PTPRD: variants seen among roughly 807,000 people sequenced by gnomAD.
PTPRD encodes receptor-type tyrosine-protein phosphatase delta.
In PTPRD, 34 loss-of-function variants were observed where a neutral mutation model predicts 214.5. The observed-to-expected ratio is 0.16, with a 90% CI of 0.12 to 0.21. The LOEUF (loss-of-function observed/expected upper bound fraction) is 0.21, where lower values mean the gene tolerates loss of function less well. PTPRD is among the 10% of genes least tolerant of loss of function. The pLI, the probability that PTPRD is intolerant of heterozygous loss-of-function variation, is 1.00. For missense variants in PTPRD, 2,545 were observed against 2,398.7 expected (o/e 1.06, Z -1.27); for synonymous variants, 1,128 against 845.7 (o/e 1.33, Z -5.79).
chr9:9,570,879 A>C (rs936847643), intron 8 of PTPRD, among the ~76,000 whole-genome samples: 2 of 151,524 alleles, frequency 1.3e-5, no homozygotes, highest in Non-Finnish European at 3.0e-5. Flanking sequence ...TTCCATCTTT[A>C]GTTTCAAGGA....
chr9:9,841,186 A>T (rs1290696316), intron 5 of PTPRD, among the ~76,000 whole-genome samples: 2 of 152,192 alleles, frequency 1.3e-5, no homozygotes, highest in African/African-American at 4.8e-5. Flanking sequence ...TCGGAATCAT[A>T]CTGGGGGATA....
At chr9:9,762,161 T>A (rs1415717427) in intron 6 of PTPRD, among the ~76,000 whole-genome samples, 2 of 152,178 alleles carry the variant, frequency 1.3e-5, no homozygotes. Context: ...CTGTTGAAAC[T>A]GTGGCAGTAG....
At chr9:9,112,542 T>C (rs1018665657) in intron 10 of PTPRD, among the ~76,000 whole-genome samples, 1 of 152,128 alleles carries the variant, frequency 6.6e-6, no homozygotes, top group Non-Finnish European at 1.5e-5. Context: ...TGAAGGAGAT[T>C]AGGACTATTT....
intron 7 of PTPRD, among the ~76,000 whole-genome samples, chr9:9,730,881 G>A (rs2098177932): frequency 6.6e-6 from 1 of 152,090 alleles, no homozygotes. Flanking sequence ...GACAAACGGT[G>A]AAAGCTTGAA....
intron 10 of PTPRD, among the ~76,000 whole-genome samples, chr9:9,094,119 G>C (rs898166750): frequency 1.3e-5 from 2 of 152,108 alleles, no homozygotes; most frequent in East Asian, 1.9e-4. Flanking sequence ...AAGTGGAAAT[G>C]GTCACCTGAA....
At chr9:9,544,704 T>G (rs1420381731) in intron 8 of PTPRD, among the ~76,000 whole-genome samples, 1 of 151,738 alleles carries the variant, frequency 6.6e-6, no homozygotes, top group African/African-American at 2.4e-5. Flanking sequence ...AAAATTTTCC[T>G]TGGATCATAA....
chr9:10,271,302 G>A (rs1340555304), intron 3 of PTPRD, among the ~76,000 whole-genome samples: 1 of 151,648 alleles, frequency 6.6e-6, no homozygotes, highest in Admixed American at 6.6e-5. Context: ...TGCATTTTTA[G>A]GTGTTACAAA....
rs1885998 is a variant in PTPRD at position 10,314,873 on chromosome 9, C to G, written c.-545+26090G>C. Among the ~76,000 whole-genome samples the G allele has an allele frequency of 2.6e-5, 4 of 151,992 alleles. No individual in the cohort carries two copies. The East Asian group carries it at 7.8e-4, about 30-fold the overall frequency. ...CATTATTATACAGCCAAGTATCACA[C>G]TCATCCTTTCAGAATTGCAGGTTTT... is the stretch of plus-strand genomic sequence containing the variant. On this transcript the variant is annotated intron_variant, in intron 3 of 45. Transcript: ENST00000381196.
At chr9:10,394,011 T>C (rs1342974266) in intron 2 of PTPRD, among the ~76,000 whole-genome samples, 1 of 146,994 alleles carries the variant, frequency 6.8e-6, no homozygotes, top group African/African-American at 2.5e-5. Context: ...GAATTTACAT[T>C]ACAGAAGAAG....
At chr9:8,784,882 C>T (rs564298155) in intron 11 of PTPRD, among the ~76,000 whole-genome samples, 3 of 152,060 alleles carry the variant, frequency 2.0e-5, no homozygotes, top group Admixed American at 6.6e-5. Flanking sequence ...TCTTGCACTG[C>T]GAGCCCCTCA....
intron 2 of PTPRD, among the ~76,000 whole-genome samples, chr9:10,406,504 A>G (rs893486985): frequency 6.6e-6 from 1 of 151,632 alleles, no homozygotes; most frequent in African/African-American, 2.4e-5. Flanking sequence ...TTTGGAAATT[A>G]GAAAAATGCA....
intron 14 of PTPRD, among the ~76,000 whole-genome samples, chr9:8,618,521 T>C (rs1268588726): frequency 6.6e-6 from 1 of 152,072 alleles, no homozygotes; most frequent in East Asian, 1.9e-4. Context: ...TGCTAGATTC[T>C]CAGACCAATG....
At chr9:10,086,189 TA>T (rs1010803964) in intron 3 of PTPRD, among the ~76,000 whole-genome samples, 14 of 151,900 alleles carry the variant, frequency 9.2e-5, no homozygotes, top group African/African-American at 3.1e-4. Context: ...AGTCTAATAG[TA>T]AAAATCCTAA....
At chr9:9,512,820 T>C (rs942601746) in intron 8 of PTPRD, among the ~76,000 whole-genome samples, 4 of 151,472 alleles carry the variant, frequency 2.6e-5, no homozygotes, top group East Asian at 1.9e-4. Context: ...TGGGCTGCTA[T>C]GCTGTTCTCT....
intron 3 of PTPRD, among the ~76,000 whole-genome samples, chr9:10,164,069 C>A (rs1371704478): frequency 6.6e-6 from 1 of 151,378 alleles, no homozygotes. Context: ...CATCACTATT[C>A]TTTCAAGTGG....
chr9:8,790,610 A>T (rs2096190605), intron 11 of PTPRD, among the ~76,000 whole-genome samples: 1 of 152,174 alleles, frequency 6.6e-6, no homozygotes, highest in Admixed American at 6.5e-5. Context: ...CTTTGTACGT[A>T]CTAGATGATA....
intron 8 of PTPRD, among the ~76,000 whole-genome samples, chr9:9,399,711 A>T (rs2069422014): frequency 6.6e-6 from 1 of 152,040 alleles, no homozygotes; most frequent in South Asian, 2.1e-4. Flanking sequence ...ATGATTTTAT[A>T]AAGGGGAGTT....
chr9:9,545,010 C>G (rs1365011915), intron 8 of PTPRD, among the ~76,000 whole-genome samples: 1 of 151,644 alleles, frequency 6.6e-6, no homozygotes, highest in Non-Finnish European at 1.5e-5. Context: ...TTTACATTCA[C>G]AGCAAAATTG....
At chr9:9,547,728 C>G (rs976172088) in intron 8 of PTPRD, among the ~76,000 whole-genome samples, 4 of 151,358 alleles carry the variant, frequency 2.6e-5, no homozygotes, top group Non-Finnish European at 4.4e-5. Flanking sequence ...CAAACTTTTC[C>G]AATTGTTTTC....
Sources: gnomAD v4.1 joint callset for allele counts (sites outside exome capture counted in the v4.1 genomes callset) on GRCh38, gnomAD v4.1.1 for gene constraint, MANE v1.5 for transcripts, NCBI Gene and HGNC (gene_info 2026-07-23, HGNC 2026-07-21) for gene names.